VKORC1L1: variants seen among roughly 807,000 people sequenced by gnomAD.
VKORC1L1 encodes the protein vitamin K epoxide reductase complex subunit 1-like protein 1.
VKORC1L1 carries 2 observed loss-of-function variants against 18.9 expected under a neutral mutation model. The observed-to-expected ratio is 0.11, with a 90% confidence interval of 0.04 to 0.33. The LOEUF (loss-of-function observed/expected upper bound fraction) is 0.33, where lower values mean the gene tolerates loss of function less well. Ranked by LOEUF, VKORC1L1 falls within the 10% of genes least tolerant of loss-of-function variation. The probability of loss-of-function intolerance (pLI) is 1.00; values close to 1 mark genes in which losing one functional copy is unlikely to be tolerated. For missense variants in VKORC1L1, 123 were observed against 224.1 expected (o/e 0.55, Z 2.88); for synonymous variants, 96 against 100.0 (o/e 0.96, Z 0.24).
At chr7:65,931,494 G>A (rs1395805886) in intron 1 of VKORC1L1, among the ~76,000 whole-genome samples, 2 of 152,000 alleles carry the variant, frequency 1.3e-5, no homozygotes, top group Non-Finnish European at 2.9e-5. Context: ...CAAATTTATG[G>A]GCATAGAGTT....
rs56868718 is a variant in VKORC1L1 at position 65,945,612 on chromosome 7, C to CAA, written c.195-3050_195-3049dup. ...GGGCGACACGAATGAGACTCCGTCT[C>CAA]AAAAAAAAAAGGTGGAAACAGTTAA... On this transcript the variant is annotated intron_variant, in intron 1 of 2. Transcript: ENST00000360768. 2.0e-3 allele frequency among the ~76,000 whole-genome samples: 288 copies of CAA among 145,994 alleles called. 3 individuals are homozygous for CAA. Among genetic ancestry groups the CAA allele is most frequent in the African/African-American group, 6.9e-3 (277 of 39,870 alleles).
intron 1 of VKORC1L1, among the ~76,000 whole-genome samples, chr7:65,918,956 G>A (rs1228141787): frequency 6.6e-6 from 1 of 152,124 alleles, no homozygotes; most frequent in Non-Finnish European, 1.5e-5. Context: ...TAATCCAGGT[G>A]TGATGGTACG....
At chr7:65,921,978 C>T (rs2115624877) in intron 1 of VKORC1L1, among the ~76,000 whole-genome samples, 1 of 152,290 alleles carries the variant, frequency 6.6e-6, no homozygotes, top group Admixed American at 6.5e-5. Flanking sequence ...TGAGCCACCT[C>T]ATTTCTTTTA....
At chr7:65,865,953 C>T in the VKORC1L1 span, among the ~76,000 whole-genome samples, 1 of 151,734 alleles carries the variant, frequency 6.6e-6, no homozygotes, top group Admixed American at 6.6e-5. Context: ...AATCCTGTCT[C>T]TACTAAAAGT....
At chr7:65,887,679 G>T (rs1789038833) in intron 1 of VKORC1L1, among the ~76,000 whole-genome samples, 1 of 152,166 alleles carries the variant, frequency 6.6e-6, no homozygotes, top group South Asian at 2.1e-4. Flanking sequence ...TCATTCAGTA[G>T]AATAATTTGT....
At chr7:65,868,860 C>G (rs1431325865), upstream of VKORC1L1, among the ~76,000 whole-genome samples, 2 of 152,006 alleles carry the variant, frequency 1.3e-5, no homozygotes, top group African/African-American at 4.8e-5. Flanking sequence ...GTACAATGTT[C>G]ACTATTTGAA....
chr7:65,927,245 C>T (rs567420863), intron 1 of VKORC1L1, among the ~76,000 whole-genome samples: 3 of 152,128 alleles, frequency 2.0e-5, no homozygotes, highest in Admixed American at 2.0e-4. Context: ...CAAGATCGTG[C>T]CACTGCACTC....
chr7:65,875,468 A>C (rs1788811022), intron 1 of VKORC1L1, among the ~76,000 whole-genome samples: 1 of 151,926 alleles, frequency 6.6e-6, no homozygotes, highest in South Asian at 2.1e-4. Flanking sequence ...CACAGGCTGG[A>C]GTGCAGTGGT....
chr7:65,890,163 C>T (rs1345749431), intron 1 of VKORC1L1, among the ~76,000 whole-genome samples: 1 of 140,884 alleles, frequency 7.1e-6, no homozygotes, highest in African/African-American at 2.6e-5. Flanking sequence ...CAGAGTCTCG[C>T]TCTGTTTCCC....
At chr7:65,869,980 G>GT (rs201200192), upstream of VKORC1L1, among the ~76,000 whole-genome samples, 18,342 of 145,224 alleles carry the variant, frequency 0.13, 1,230 homozygotes, top group South Asian at 0.2. Flanking sequence ...AAAAGCTTTT[G>GT]TTTTTTTTTT....
At chr7:65,902,933 C>T (rs1340078390) in intron 1 of VKORC1L1, among the ~76,000 whole-genome samples, 2 of 152,062 alleles carry the variant, frequency 1.3e-5, no homozygotes, top group Non-Finnish European at 2.9e-5. Flanking sequence ...ATGGCGTGAT[C>T]TTGGCTCACC....
chr7:65,908,893 G>A (rs1378145718), intron 1 of VKORC1L1, among the ~76,000 whole-genome samples: 1 of 150,116 alleles, frequency 6.7e-6, no homozygotes, highest in Non-Finnish European at 1.5e-5. Flanking sequence ...GCAAGATGAA[G>A]TATTAAAAAA....
chr7:65,941,756 A>C (rs1324331789), intron 1 of VKORC1L1, among the ~76,000 whole-genome samples: 11 of 140,352 alleles, frequency 7.8e-5, no homozygotes, highest in African/African-American at 3.0e-4. Context: ...GGCTCACTAT[A>C]ACCTCTCCCT....
chr7:65,869,695 G>C (rs573558371), upstream of VKORC1L1, among the ~76,000 whole-genome samples: 181 of 140,034 alleles, frequency 1.3e-3, no homozygotes, highest in Non-Finnish European at 2.3e-3. Context: ...CTGTCACCCA[G>C]GCTGGAGTGC....
chr7:65,952,709 G>T (rs943464623), intron 2 of VKORC1L1, among the ~76,000 whole-genome samples: 6 of 148,498 alleles, frequency 4.0e-5, no homozygotes, highest in African/African-American at 1.0e-4. Flanking sequence ...TCTCTATACT[G>T]TTGCCTATAA....
chr7:65,888,635 A>AG (rs1312370541), intron 1 of VKORC1L1, among the ~76,000 whole-genome samples: 1 of 151,906 alleles, frequency 6.6e-6, no homozygotes, highest in Admixed American at 6.6e-5. Flanking sequence ...TGCGGTGGTG[A>AG]GGGGGGTGCA....
intron 1 of VKORC1L1, among the ~76,000 whole-genome samples, chr7:65,898,262 T>A (rs1027879664): frequency 6.6e-6 from 1 of 151,882 alleles, no homozygotes; most frequent in Non-Finnish European, 1.5e-5. Flanking sequence ...AATTTTTGTA[T>A]TTTTAGTAGA....
rs1489273043 is a variant in VKORC1L1, at chr7:65,957,199, G to A, written c.*2899G>A. 2 of 152,166 alleles carry A rather than the reference G, an allele frequency of 1.3e-5. No individual in the cohort carries two copies. Among genetic ancestry groups the A allele is most frequent in the East Asian group, 3.8e-4 (2 of 5,196 alleles). The allele number at this position is 152,166 out of a possible 1,614,324, so 9.4% of individuals were successfully genotyped here. A position where few individuals can be genotyped will look rare whatever the true frequency, so the allele number is the denominator to read the frequency against. On this transcript the variant is annotated 3_prime_UTR_variant, in exon 3 of 3. Coordinates refer to ENST00000360768, the MANE Select transcript of VKORC1L1 (RefSeq NM_173517.6). ...ATTTTCATTCAAAGAAACTACATTC[G>A]GCCGGGCACGGTGGCTCACGCCTAT...
chr7:65,950,156 T>C (rs1790189429), intron 2 of VKORC1L1, among the ~76,000 whole-genome samples: 1 of 152,182 alleles, frequency 6.6e-6, no homozygotes, highest in African/African-American at 2.4e-5. Context: ...TTAGTACCTA[T>C]TACTTTAATT....
Sources: gnomAD v4.1 joint callset for allele counts (sites outside exome capture counted in the v4.1 genomes callset) on GRCh38, gnomAD v4.1.1 for gene constraint, MANE v1.5 for transcripts, NCBI Gene and HGNC (gene_info 2026-07-23, HGNC 2026-07-21) for gene names.